PLCE1: variants seen among roughly 807,000 people sequenced by gnomAD.
PLCE1 encodes phospholipase C epsilon 1, also known as 1-phosphatidylinositol 4,5-bisphosphate phosphodiesterase epsilon-1.
A neutral mutation model predicts 242.8 loss-of-function variants in PLCE1; 119 were observed. The ratio of observed to expected loss-of-function variants is 0.49; its 90% CI spans 0.42 to 0.57. The LOEUF (loss-of-function observed/expected upper bound fraction) is 0.57, where lower values mean the gene tolerates loss of function less well. Among genes scored for constraint, PLCE1 ranks in the 20% least tolerant of loss-of-function variants. The pLI is 0.00. For synonymous variants in PLCE1, 945 were observed against 1,017.4 expected (o/e 0.93, Z 1.35); for missense variants, 2,441 against 2,788.8 (o/e 0.88, Z 2.81).
intron 30 of PLCE1, among the ~76,000 whole-genome samples, chr10:94,322,781 G>A (rs548505595): frequency 6.7e-6 from 1 of 149,630 alleles, no homozygotes; most frequent in Non-Finnish European, 1.5e-5. Context: ...GTGAAACTTC[G>A]TCTAAAAAAA....
At chr10:94,069,823 G>A (rs2044300766) in intron 2 of PLCE1, among the ~76,000 whole-genome samples, 1 of 152,144 alleles carries the variant, frequency 6.6e-6, no homozygotes, top group Admixed American at 6.5e-5. Flanking sequence ...AGCAAACAGA[G>A]GGTGGTCAGG....
intron 4 of PLCE1, among the ~76,000 whole-genome samples, chr10:94,184,415 C>T (rs1031676389): frequency 1.3e-5 from 2 of 152,208 alleles, no homozygotes; most frequent in Non-Finnish European, 2.9e-5. Flanking sequence ...CTGCAACCTC[C>T]ACCTCCTGGG....
At chr10:94,157,896 T>C (rs1265149606) in intron 3 of PLCE1, among the ~76,000 whole-genome samples, 1 of 152,132 alleles carries the variant, frequency 6.6e-6, no homozygotes, top group Admixed American at 6.6e-5. Flanking sequence ...TTTATCTCAG[T>C]GTGATGTTCA....
rs1051183444 is a variant in PLCE1 at position 94,280,006 on chromosome 10, A to G, written c.4795+95A>G. ...AAATAAGTCTAGAGCGCCAAAGACC[A>G]GTAATACGGATGGTTGTAATATTGT... On this transcript the variant is annotated intron_variant, in intron 20 of 32. Coordinates refer to ENST00000371380, the MANE Select transcript of PLCE1 (RefSeq NM_016341.4). 4 of 1,235,944 alleles carry G rather than the reference A, an allele frequency of 3.2e-6. No homozygotes were observed. In the African/African-American group the frequency reaches 5.9e-5, roughly 18 times the overall value. The allele number at this position is 1,235,944 out of a possible 1,614,324, so 76.6% of individuals were successfully genotyped here.
chr10:94,241,687 G>A (rs544626627), intron 7 of PLCE1, among the ~76,000 whole-genome samples: 7 of 152,094 alleles, frequency 4.6e-5, no homozygotes, highest in Non-Finnish European at 8.8e-5. Flanking sequence ...CTACTCAGGA[G>A]GCTGAGGCAG....
intron 4 of PLCE1, among the ~76,000 whole-genome samples, chr10:94,174,099 G>T (rs2048059554): frequency 6.6e-6 from 1 of 152,190 alleles, no homozygotes; most frequent in African/African-American, 2.4e-5. Context: ...AGATGCTCTG[G>T]ACTGGACATT....
chr10:94,176,216 T>C (rs1261967131), intron 4 of PLCE1, among the ~76,000 whole-genome samples: 1 of 152,016 alleles, frequency 6.6e-6, no homozygotes, highest in East Asian at 1.9e-4. Context: ...CTGGGGAACA[T>C]AGCAAAACCT....
intron 24 of PLCE1, among the ~76,000 whole-genome samples, chr10:94,304,260 A>G (rs2053131611): frequency 6.6e-6 from 1 of 152,190 alleles, no homozygotes; most frequent in African/African-American, 2.4e-5. Flanking sequence ...CCCCAGAGGG[A>G]CAGGAATTTT....
At chr10:94,056,824 C>G (rs898422950) in intron 2 of PLCE1, among the ~76,000 whole-genome samples, 1 of 150,964 alleles carries the variant, frequency 6.6e-6, no homozygotes, top group Non-Finnish European at 1.5e-5. Context: ...CCCACCCACC[C>G]GTCCCTGGTA....
intron 2 of PLCE1, among the ~76,000 whole-genome samples, chr10:94,037,686 A>G (rs539911273): frequency 1.1e-4 from 17 of 152,250 alleles, no homozygotes; most frequent in Admixed American, 3.3e-4. Context: ...GCCTCAGTGG[A>G]AAATGTGATG....
intron 4 of PLCE1, among the ~76,000 whole-genome samples, chr10:94,222,798 C>T (rs1320579509): frequency 1.2e-4 from 19 of 152,154 alleles, no homozygotes; most frequent in Admixed American, 1.2e-3. Flanking sequence ...GGCTTTAGGC[C>T]TAGGGGTTAC....
intron 2 of PLCE1, among the ~76,000 whole-genome samples, chr10:94,107,421 T>C (rs1389871285): frequency 6.6e-6 from 1 of 152,178 alleles, no homozygotes; most frequent in East Asian, 1.9e-4. Context: ...ATGGTCTGTC[T>C]GGAAGACAGG....
At chr10:94,126,276 A>G (rs887546803) in intron 2 of PLCE1, among the ~76,000 whole-genome samples, 2 of 152,344 alleles carry the variant, frequency 1.3e-5, no homozygotes, top group Admixed American at 6.5e-5. Flanking sequence ...AGTTTGCAAC[A>G]TTGATCTATA....
chr10:94,320,913 T>C (rs2053774956), intron 29 of PLCE1, among the ~76,000 whole-genome samples: 1 of 152,212 alleles, frequency 6.6e-6, no homozygotes, highest in Admixed American at 6.5e-5. Flanking sequence ...GTGGGGTATT[T>C]TGTGGCGAAT....
rs2052911583 is a variant in PLCE1 at position 94,298,264 on chromosome 10, A to T, written c.5168-115A>T. 1.1e-6 allele frequency: 1 copy of T among 895,638 alleles called. No homozygotes were observed. Among genetic ancestry groups the T allele is most frequent in the African/African-American group, 1.7e-5 (1 of 60,286 alleles). The allele number at this position is 895,638 out of a possible 1,614,324, so 55.5% of individuals were successfully genotyped here. A position where few individuals can be genotyped will look rare whatever the true frequency, so the allele number is the denominator to read the frequency against. ...AACTCACAAGTAAAATCCAAGAGGT[A>T]TTCTGATGTGGTTTATATGCTATGA... On this transcript the variant is annotated intron_variant, in intron 23 of 32. Transcript: ENST00000371380. The surrounding 1 kb of genome is among the most constrained non-coding windows in gnomAD (Gnocchi z 5.2).
At chr10:94,227,035 C>T in intron 4 of PLCE1, 1 of 373,086 alleles carries the variant, frequency 2.7e-6, no homozygotes, top group Non-Finnish European at 5.2e-6. Context: ...TGCCACCATG[C>T]CCAGCTAATT....
chr10:94,327,652 T>A (rs2054077560), intron 32 of PLCE1, among the ~76,000 whole-genome samples: 1 of 152,254 alleles, frequency 6.6e-6, no homozygotes, highest in Non-Finnish European at 1.5e-5. Flanking sequence ...AAGAACATAT[T>A]CATCTATCTG....
chr10:94,099,073 A>G (rs1468535158), intron 2 of PLCE1, among the ~76,000 whole-genome samples: 1 of 152,222 alleles, frequency 6.6e-6, no homozygotes, highest in Non-Finnish European at 1.5e-5. Flanking sequence ...AAACTAACAG[A>G]TTAACATAGG....
chr10:94,208,341 G>T (rs2049229664), intron 4 of PLCE1, among the ~76,000 whole-genome samples: 1 of 152,176 alleles, frequency 6.6e-6, no homozygotes, highest in Non-Finnish European at 1.5e-5. Context: ...ACCTCAGAGA[G>T]ACCCAGGCTG....
Sources: allele counts gnomAD v4.1 joint callset (sites outside exome capture counted in the v4.1 genomes callset), GRCh38; gene constraint gnomAD v4.1.1; non-coding constraint Gnocchi (gnomAD v3.1); transcripts MANE v1.5; gene names NCBI Gene and HGNC (gene_info 2026-07-23, HGNC 2026-07-21).